BNC2: variants seen among roughly 807,000 people sequenced by gnomAD.
BNC2 encodes zinc finger protein basonuclin-2.
A neutral mutation model predicts 76.3 loss-of-function variants in BNC2; 20 were observed. The ratio of observed to expected loss-of-function variants is 0.26; its 90% CI spans 0.18 to 0.38. BNC2 has a LOEUF of 0.38. Among genes scored for constraint, BNC2 ranks in the 10% least tolerant of loss-of-function variants. The pLI is 1.00. For synonymous variants in BNC2, 582 were observed against 514.8 expected (o/e 1.13, Z -1.77); for missense variants, 1,382 against 1,399.8 (o/e 0.99, Z 0.20).
chr9:16,801,941 C>A (rs369647376), intron 1 of BNC2, among the ~76,000 whole-genome samples: 5 of 151,976 alleles, frequency 3.3e-5, no homozygotes, highest in African/African-American at 1.2e-4. Context: ...AAGTTTTTCC[C>A]GTTTCAGTAT....
chr9:16,860,602 AAC>A (rs1266622209), intron 1 of BNC2, among the ~76,000 whole-genome samples: 6 of 152,354 alleles, frequency 3.9e-5, no homozygotes, highest in Admixed American at 2.6e-4. Flanking sequence ...TATCAAAAAA[AAC>A]ACAGAGGTAA....
At chr9:16,702,580 C>T (rs1287587616) in intron 3 of BNC2, among the ~76,000 whole-genome samples, 4 of 151,126 alleles carry the variant, frequency 2.6e-5, no homozygotes, top group African/African-American at 4.9e-5. Flanking sequence ...GGCCTAATAT[C>T]GCCTTTCCTA....
intron 1 of BNC2, among the ~76,000 whole-genome samples, chr9:16,803,534 T>C (rs1817832641): frequency 6.6e-6 from 1 of 152,132 alleles, no homozygotes; most frequent in Non-Finnish European, 1.5e-5. Flanking sequence ...CTGGTAACGG[T>C]AATGGGGAAT....
rs117036893 is a variant in BNC2, at chr9:16,663,685, G to A, written c.330+64112C>T. On this transcript the variant is annotated intron_variant, in intron 3 of 6. Transcript: ENST00000380672. ...GAGCATTTCAAAAATCTCAGAAAGA[G>A]TAATAATGTCCAATAGCGTCAATTC... is the stretch of plus-strand genomic sequence containing the variant. Among the ~76,000 whole-genome samples, 90 of 152,258 alleles carry A rather than the reference G, an allele frequency of 5.9e-4. 1 individual carries two copies. The East Asian group carries it at 0.017, about 29-fold the overall frequency.
chr9:16,711,945 G>C (rs1394483919), intron 3 of BNC2, among the ~76,000 whole-genome samples: 1 of 152,158 alleles, frequency 6.6e-6, no homozygotes, highest in African/African-American at 2.4e-5. Flanking sequence ...AGAACTACAG[G>C]ATAGAAGAGC....
chr9:16,839,371 T>C (rs1450540798), intron 1 of BNC2, among the ~76,000 whole-genome samples: 1 of 152,256 alleles, frequency 6.6e-6, no homozygotes, highest in Non-Finnish European at 1.5e-5. Context: ...ACCCATTTTG[T>C]ACCAGTCTTC....
intron 1 of BNC2, among the ~76,000 whole-genome samples, chr9:16,819,031 T>C (rs754705007): frequency 1.3e-5 from 2 of 152,006 alleles, no homozygotes; most frequent in African/African-American, 4.8e-5. Context: ...AAACAAGTAA[T>C]CTAACAAAAA....
intron 5 of BNC2, among the ~76,000 whole-genome samples, chr9:16,520,563 G>C (rs1237366163): frequency 1.3e-5 from 2 of 152,178 alleles, no homozygotes; most frequent in Admixed American, 6.5e-5. Context: ...AGCATAGATA[G>C]CAAGAGTTGG....
At chr9:16,482,903 T>C (rs1822090100) in intron 5 of BNC2, among the ~76,000 whole-genome samples, 1 of 152,174 alleles carries the variant, frequency 6.6e-6, no homozygotes, top group South Asian at 2.1e-4. Context: ...GGCCAGCCCA[T>C]CAGTCTACTC....
chr9:16,691,390 C>A (rs978646240), intron 3 of BNC2, among the ~76,000 whole-genome samples: 2 of 152,102 alleles, frequency 1.3e-5, no homozygotes, highest in African/African-American at 4.8e-5. Context: ...GAAAAACATC[C>A]TACTATTGGA....
At chr9:16,610,646 A>G (rs1425422832) in intron 3 of BNC2, among the ~76,000 whole-genome samples, 4 of 152,172 alleles carry the variant, frequency 2.6e-5, no homozygotes, top group Non-Finnish European at 5.9e-5. Flanking sequence ...CCCTGTGGTA[A>G]CTTAACTCTC....
At chr9:16,783,820 T>C (rs547957524) in intron 1 of BNC2, among the ~76,000 whole-genome samples, 4 of 152,318 alleles carry the variant, frequency 2.6e-5, no homozygotes, top group African/African-American at 9.6e-5. Context: ...AGATCAATCA[T>C]CCCTAACCTT....
chr9:16,765,340 C>T (rs1451175489), intron 1 of BNC2, among the ~76,000 whole-genome samples: 1 of 152,076 alleles, frequency 6.6e-6, no homozygotes, highest in South Asian at 2.1e-4. Flanking sequence ...AAAATATACA[C>T]ATAAGATTTA....
intron 1 of BNC2, among the ~76,000 whole-genome samples, chr9:16,779,807 G>A (rs747373823): frequency 2.6e-4 from 39 of 152,220 alleles, no homozygotes; most frequent in Non-Finnish European, 4.8e-4. Context: ...AGATTATGGT[G>A]GCTGCCTATG....
intron 1 of BNC2, among the ~76,000 whole-genome samples, chr9:16,782,920 T>C (rs1000853017): frequency 6.6e-6 from 1 of 152,212 alleles, no homozygotes; most frequent in Non-Finnish European, 1.5e-5. Flanking sequence ...AAGCTAGGCA[T>C]GCCTAATTCT....
At chr9:16,629,318 C>G (rs1479958000) in intron 3 of BNC2, among the ~76,000 whole-genome samples, 9 of 152,184 alleles carry the variant, frequency 5.9e-5, no homozygotes, top group Admixed American at 3.9e-4. Flanking sequence ...TTTGAATGAG[C>G]TATCAATGTA....
intron 3 of BNC2, among the ~76,000 whole-genome samples, chr9:16,651,244 T>C (rs1272276259): frequency 6.6e-6 from 1 of 152,236 alleles, no homozygotes; most frequent in Non-Finnish European, 1.5e-5. Flanking sequence ...TATTACATCA[T>C]GTATATTTCA....
rs183147284 is a variant in BNC2, at chr9:16,666,645, G to C, written c.330+61152C>G. On this transcript the variant is annotated intron_variant, in intron 3 of 6. Coordinates refer to ENST00000380672, the MANE Select transcript of BNC2 (RefSeq NM_017637.6). ...TACTGAGACTCACTGGGTGATTCTG[G>C]AGCTAAACACTTCAACACACATCCA... Among the ~76,000 whole-genome samples, 3 of 152,292 alleles carry C rather than the reference G, an allele frequency of 2.0e-5. No homozygotes were observed. In the East Asian group the frequency reaches 5.8e-4, roughly 29 times the overall value.
At position 16,668,935 on chromosome 9, in the gene BNC2, T is replaced by C. The variant is rs143085231; in HGVS notation, c.330+58862A>G. The stretch of plus-strand genomic sequence containing the variant: ...GAGATGCAAAGGAGATGACAATGGA[T>C]CAATCTGTATGTGAGTAAGTTGACG... On this transcript the variant is annotated intron_variant, in intron 3 of 6. Transcript: ENST00000380672. Among the ~76,000 whole-genome samples, 127 of 152,314 alleles carry C rather than the reference T, an allele frequency of 8.3e-4. 1 individual carries two copies. Among genetic ancestry groups the C allele is most frequent in the Non-Finnish European group, 1.6e-3 (109 of 68,020 alleles).
Sources: gnomAD v4.1 joint callset for allele counts (sites outside exome capture counted in the v4.1 genomes callset) on GRCh38, gnomAD v4.1.1 for gene constraint, MANE v1.5 for transcripts, NCBI Gene and HGNC (gene_info 2026-07-23, HGNC 2026-07-21) for gene names.